The following TF variants were observed in gnomAD, a reference collection of about 807,000 sequenced individuals.
The protein encoded by TF is transferrin, also known as serotransferrin.
TF carries 55 observed loss-of-function variants against 82.4 expected under a neutral mutation model. The observed-to-expected ratio is 0.67, with a 90% CI of 0.54 to 0.84. The LOEUF (loss-of-function observed/expected upper bound fraction) is 0.84, where lower values mean the gene tolerates loss of function less well. Among genes scored for constraint, TF ranks in the 40% least tolerant of loss-of-function variants. The pLI is 0.00. For missense variants in TF, 737 were observed against 868.4 expected, an observed-to-expected ratio of 0.85 and a Z score of 1.90; for synonymous variants, 332 against 332.6, an observed-to-expected ratio of 1.00 and a Z score of 0.02.
Position 133,779,858 on chromosome 3 carries a change from G to A in TF, c.*1238G>A, listed in dbSNP as rs1244220081. Reference sequence around the variant, plus strand: ...TCTCTCTTGCTTCCCTAAACCAACTGTTGTTATAGTATATTCCATATCAGC... The same window carrying A: ...TCTCTCTTGCTTCCCTAAACCAACTATTGTTATAGTATATTCCATATCAGC... On this transcript the variant is annotated 3_prime_UTR_variant, in exon 17 of 17. Transcript: ENST00000402696. 1 of 152,096 alleles carries A rather than the reference G, an allele frequency of 6.6e-6. No individual in the cohort carries two copies. The highest frequency in any genetic ancestry group is 2.4e-5 in the African/African-American group (1 of 41,368). The allele number at this position is 152,096 out of a possible 1,614,324, so 9.4% of individuals were successfully genotyped here.
At chr3:133,697,910 G>A in the TF span, among the ~76,000 whole-genome samples, 1 of 152,176 alleles carries the variant, frequency 6.6e-6, no homozygotes, top group African/African-American at 2.4e-5. Context: ...GGGATATAGG[G>A]TAATCAAGAG....
At chr3:133,769,833 T>G (rs1303387834) in intron 13 of TF, among the ~76,000 whole-genome samples, 2 of 152,190 alleles carry the variant, frequency 1.3e-5, no homozygotes, top group Non-Finnish European at 2.9e-5. Context: ...CAGTCAAAAT[T>G]AAAATTAGAA....
chr3:133,692,763 C>G, the TF span: 1 of 152,356 alleles, frequency 6.6e-6, no homozygotes, highest in Non-Finnish European at 1.5e-5. Context: ...TTCCTCTCGG[C>G]TCCTTTGCAG....
intron 14 of TF, chr3:133,774,930 T>C: frequency 2.6e-6 from 1 of 384,090 alleles, no homozygotes; most frequent in Non-Finnish European, 5.0e-6. Context: ...TACAGACCTG[T>C]ATCACACAGG....
rs543672815 is a variant in TF at position 133,747,817 on chromosome 3, G to C, written c.44-595G>C. Among the ~76,000 whole-genome samples the C allele has an allele frequency of 1.5e-3, 224 of 152,226 alleles. 4 individuals are homozygous for C. The highest frequency in any genetic ancestry group is 6.2e-3 in the South Asian group (30 of 4,828). ...TAATTTACCCTCAACTACTGGCCAA[G>C]AAGGGGTGTAACTCAGAATGTTTTC... On this transcript the variant is annotated intron_variant, in intron 1 of 16. Coordinates refer to ENST00000402696, the MANE Select transcript of TF (RefSeq NM_001063.4).
At chr3:133,735,422 C>G in the TF span, among the ~76,000 whole-genome samples, 1 of 151,802 alleles carries the variant, frequency 6.6e-6, no homozygotes, top group African/African-American at 2.4e-5. Context: ...CAACTCCTTG[C>G]CAGCCAGGAA....
At chr3:133,730,079 T>A in the TF span, among the ~76,000 whole-genome samples, 3 of 152,202 alleles carry the variant, frequency 2.0e-5, no homozygotes, top group Admixed American at 2.0e-4. Context: ...TCTAGCGAAA[T>A]GAGCTTCTAT....
the TF span, among the ~76,000 whole-genome samples, chr3:133,663,530 T>C: frequency 6.6e-6 from 1 of 152,072 alleles, no homozygotes; most frequent in East Asian, 1.9e-4. Flanking sequence ...AAATCTGACC[T>C]GAATCTGTAA....
At chr3:133,685,128 A>G in the TF span, among the ~76,000 whole-genome samples, 1 of 152,234 alleles carries the variant, frequency 6.6e-6, no homozygotes, top group Non-Finnish European at 1.5e-5. Context: ...ATAGATGCAG[A>G]AAAGGCCTTT....
At chr3:133,663,991 C>T in the TF span, among the ~76,000 whole-genome samples, 3 of 152,188 alleles carry the variant, frequency 2.0e-5, no homozygotes, top group Non-Finnish European at 4.4e-5. Context: ...GGGTCTGTCT[C>T]TAGTATCTAC....
rs1458944149 is a variant in TF at position 133,792,942 on chromosome 3, A to G, written c.*14322A>G. ...TAAAGCACCGATCTGCTCTTTAACA[A>G]ACATTTGTAAAGGATTATAAAAGGT... is the stretch of plus-strand genomic sequence containing the variant. On this transcript the variant is annotated 3_prime_UTR_variant, in exon 17 of 17. Coordinates refer to ENST00000402696, the MANE Select transcript of TF (RefSeq NM_001063.4). The G allele has an allele frequency of 6.6e-6, 1 of 152,222 alleles. No individual in the cohort carries two copies. The highest frequency in any genetic ancestry group is 6.5e-5 in the Admixed American group (1 of 15,278). The allele number at this position is 152,222 out of a possible 1,614,324, so 9.4% of individuals were successfully genotyped here.
the TF span, among the ~76,000 whole-genome samples, chr3:133,736,970 T>G: frequency 4.6e-5 from 7 of 152,186 alleles, no homozygotes; most frequent in Non-Finnish European, 1.0e-4. Flanking sequence ...CAAGCGGACC[T>G]AATAGACATC....
At chr3:133,679,420 T>C in the TF span, among the ~76,000 whole-genome samples, 7 of 152,224 alleles carry the variant, frequency 4.6e-5, no homozygotes, top group Non-Finnish European at 8.8e-5. Context: ...CAAATATAAC[T>C]ATCCACGTAA....
upstream of TF, among the ~76,000 whole-genome samples, chr3:133,742,829 C>T (rs1032887337): frequency 6.6e-6 from 1 of 152,204 alleles, no homozygotes; most frequent in African/African-American, 2.4e-5. Context: ...CCACCTCCTG[C>T]TGGTCAGCTT....
chr3:133,677,862 A>AT, the TF span, among the ~76,000 whole-genome samples: 7 of 151,714 alleles, frequency 4.6e-5, no homozygotes, highest in African/African-American at 1.7e-4. Context: ...TTAAAAAAAA[A>AT]ATTTTTTTAT....
rs1235164505 is a variant in TF, at chr3:133,791,356, A to C, written c.*12736A>C. The C allele has an allele frequency of 6.6e-6, 1 of 152,180 alleles. No individual in the cohort carries two copies. The highest frequency in any genetic ancestry group is 1.5e-5 in the Non-Finnish European group (1 of 68,032). 9.4% of individuals were successfully genotyped at this position (152,180 alleles called of 1,614,324 possible). A position where few individuals can be genotyped will look rare whatever the true frequency, so the allele number is the denominator to read the frequency against. ...TTGTGAATATTCTTAATTCATGGCAATGTGTTTGTTTGCATATAGTCAAGC... is the reference window on the plus strand; with the variant it reads ...TTGTGAATATTCTTAATTCATGGCACTGTGTTTGTTTGCATATAGTCAAGC... On this transcript the variant is annotated 3_prime_UTR_variant, in exon 17 of 17. Coordinates refer to ENST00000402696, the MANE Select transcript of TF (RefSeq NM_001063.4).
chr3:133,689,403 A>G, the TF span, among the ~76,000 whole-genome samples: 1 of 152,162 alleles, frequency 6.6e-6, no homozygotes, highest in African/African-American at 2.4e-5. Flanking sequence ...TTTATTAACA[A>G]ATGAAAACAT....
intron 11 of TF, among the ~76,000 whole-genome samples, chr3:133,765,516 G>T (rs1576363657): frequency 6.6e-6 from 1 of 152,136 alleles, no homozygotes; most frequent in South Asian, 2.1e-4. Flanking sequence ...CTATGCTCAG[G>T]CCCCTGCAGG....
At chr3:133,704,327 G>T in the TF span, 1 of 223,980 alleles carries the variant, frequency 4.5e-6, no homozygotes, top group South Asian at 7.9e-5. Context: ...AAGTGGAGGG[G>T]AGTGTCCGTC....
Sources: gnomAD v4.1 joint callset for allele counts (sites outside exome capture counted in the v4.1 genomes callset) on GRCh38, gnomAD v4.1.1 for gene constraint, MANE v1.5 for transcripts, NCBI Gene and HGNC (gene_info 2026-07-23, HGNC 2026-07-21) for gene names.